Variants in KPTN observed in about 807,000 individuals in gnomAD.
KPTN encodes the protein kaptin, actin binding protein.
A neutral mutation model predicts 52.6 loss-of-function variants in KPTN; 36 were observed. The observed-to-expected ratio is 0.68, with a 90% CI of 0.52 to 0.90. The LOEUF (loss-of-function observed/expected upper bound fraction) is 0.90, where lower values mean the gene tolerates loss of function less well. KPTN is among the 40% of genes least tolerant of loss of function. KPTN has a pLI of 0.00. For missense variants in KPTN, 529 were observed against 576.2 expected (o/e 0.92, Z 0.84); for synonymous variants, 271 against 248.4 (o/e 1.09, Z -0.85).
chr19:47,483,820 T>TA (rs1555755125), intron 1 of KPTN, 115 bp downstream of exon 1: 2 of 1,443,092 alleles, frequency 1.4e-6, no homozygotes, highest in Non-Finnish European at 1.9e-6. Context: ...GTGACCCCCT[T>TA]AAAACCACCT....
intron 4 of KPTN, 34 bp downstream of exon 4, chr19:47,483,127 G>A (rs1180233420): frequency 1.2e-6 from 2 of 1,603,612 alleles, no homozygotes; most frequent in Non-Finnish European, 1.7e-6. Context: ...TACATTTACA[G>A]TGGAGTGGGC....
Position 47,484,055 on chromosome 19 carries a change from C to G in KPTN, c.106G>C (p.Gly36Arg), listed in dbSNP as rs1394459041. 1 of 1,610,878 alleles carries G rather than the reference C, an allele frequency of 6.2e-7. No individual in the cohort carries two copies. The highest frequency in any genetic ancestry group is 8.5e-7 in the Non-Finnish European group (1 of 1,179,740). The stretch of plus-strand genomic sequence containing the variant: ...GCGGCCAGCAGCTCCCCGCGCCCGC[C>G]GGCGCCGCCTGCCAGCCCGTACACA... ...SNVYGLAGGA[G>R]GRGELLAATL... The change falls in exon 1 of 12, where the codon GGC (glycine) becomes CGC (arginine). Residue 36 changes from glycine to arginine, a missense_variant. By Grantham distance (125) the Gly-to-Arg change is moderately radical. Transcript: ENST00000338134.
At chr19:47,484,579 G>C (rs1186460869), upstream of KPTN, 1 of 188,202 alleles carries the variant, frequency 5.3e-6, no homozygotes, top group Non-Finnish European at 1.1e-5. Flanking sequence ...GTGGAGGTAG[G>C]TACTTAAATC....
At chr19:47,484,305 A>C, upstream of KPTN, 12 of 1,064,794 alleles carry the variant, frequency 1.1e-5, no homozygotes, top group African/African-American at 1.6e-5. Context: ...GCCCTCTCCC[A>C]AGATGGCGGC....
In KPTN at chr19:47,476,612, C is replaced by A. The variant is rs989247581; in HGVS notation, c.1102G>T (p.Ala368Ser). The A allele has an allele frequency of 6.2e-7, 1 of 1,612,520 alleles. No individual in the cohort carries two copies. Among genetic ancestry groups the A allele is most frequent in the African/African-American group, 1.3e-5 (1 of 74,532 alleles). ...CCGGTCAGGTCCACGTGAGCCATGG[C>A]CAGCAGGGGACTGGAGAAGCTCCGC... ...WQRSFSSPLLAMAHVDLTGDG... is the reference protein window; with the variant it reads ...WQRSFSSPLLSMAHVDLTGDG... The change falls in exon 11 of 12, where the codon GCC (alanine) becomes TCC (serine). Residue 368 changes from alanine to serine, a missense_variant. Transcript: ENST00000338134.
At chr19:47,482,358 G>A (rs947155078) in intron 4 of KPTN, among the ~76,000 whole-genome samples, 4 of 152,006 alleles carry the variant, frequency 2.6e-5, no homozygotes, top group Admixed American at 1.3e-4. Context: ...GCATGGTGGT[G>A]TGAGCCTGTA....
intron 7 of KPTN, 63 bp downstream of exon 7, chr19:47,480,235 C>T (rs916900990): frequency 9.7e-7 from 1 of 1,026,052 alleles, no homozygotes; most frequent in East Asian, 2.8e-5. Flanking sequence ...CCCTCAGCCC[C>T]ACCCTGGCCC....
At chr19:47,481,306 C>T (rs936073893) in intron 4 of KPTN, among the ~76,000 whole-genome samples, 5 of 152,164 alleles carry the variant, frequency 3.3e-5, no homozygotes, top group Admixed American at 2.0e-4. Flanking sequence ...TAGAACCTCC[C>T]GCTCTTAGAG....
In KPTN at chr19:47,476,526, G is replaced by C. The variant is rs201464773; in HGVS notation, c.1182+6C>G. ...ACTCCCCTCCCACCCCAAGAGCTGG[G>C]GATACCTGCAGGATGTGCACGCCCT... On this transcript the variant is annotated splice_donor_region_variant and intron_variant, in intron 11 of 11. Transcript: ENST00000338134. 2.7e-5 allele frequency: 43 copies of C among 1,591,050 alleles called. No individual in the cohort carries two copies. The highest frequency in any genetic ancestry group is 3.6e-5 in the Non-Finnish European group (42 of 1,165,992).
intron 11 of KPTN, 22 bp downstream of exon 11, chr19:47,476,510 C>A: frequency 6.3e-7 from 1 of 1,577,718 alleles, no homozygotes. Context: ...GACTCCCCTC[C>A]CACCCCAAGA....
chr19:47,477,808 C>G (rs1283194649), intron 8 of KPTN, 27 bp from the exon 9 acceptor site: 1 of 1,585,194 alleles, frequency 6.3e-7, no homozygotes, highest in East Asian at 2.2e-5. Flanking sequence ...AATGGTAATC[C>G]CAGCACTTTG....
rs762997236 is a variant in KPTN, at chr19:47,480,745, C to T, written c.599+15G>A. 1.9e-6 allele frequency: 3 copies of T among 1,612,964 alleles called. No individual in the cohort carries two copies. Among genetic ancestry groups the T allele is most frequent in the East Asian group, 2.2e-5 (1 of 44,882 alleles). On this transcript the variant is annotated intron_variant, in intron 6 of 11. Coordinates refer to ENST00000338134, the MANE Select transcript of KPTN (RefSeq NM_007059.4). ...TGCCCCGGTCCCCAGTGGCCTCTTT[C>T]GGGGCCTCTCCTACCTACTGGTCAG... is the stretch of plus-strand genomic sequence containing the variant.
chr19:47,484,108 C>T lies in KPTN; in HGVS notation c.53G>A (p.Ser18Asn), dbSNP rs1967992120. The T allele has an allele frequency of 6.2e-7, 1 of 1,604,328 alleles. No individual in the cohort carries two copies. The highest frequency in any genetic ancestry group is 8.5e-7 in the Non-Finnish European group (1 of 1,179,664). Residue 18 changes from serine (S) to asparagine (N), a missense_variant, in exon 1 of 12, where the codon AGC becomes AAC. Ser to Asn is a conservative substitution (Grantham distance 46, BLOSUM62 1). Coordinates refer to ENST00000338134, the MANE Select transcript of KPTN (RefSeq NM_007059.4). ...AAGPCPLRED[S>N]FTRFSSQSNV... is the part of the protein sequence containing the mutation. ...GCTCTGCGACGAGAAGCGCGTGAAG[C>T]TGTCCTCGCGCAACGGACAAGGCCC...
chr19:47,480,671 C>G (rs1354855192), intron 6 of KPTN, 89 bp downstream of exon 6: 5 of 1,227,978 alleles, frequency 4.1e-6, no homozygotes, highest in African/African-American at 3.0e-5. Context: ...AGCTCCTCCC[C>G]GGTGACCAAT....
intron 8 of KPTN, among the ~76,000 whole-genome samples, chr19:47,478,702 C>A (rs576796165): frequency 6.6e-6 from 1 of 151,696 alleles, no homozygotes; most frequent in African/African-American, 2.4e-5. Flanking sequence ...ATATATACAC[C>A]ATGGAGTACT....
In KPTN at chr19:47,479,806, G is replaced by C; in HGVS notation, c.787+57C>G. The C allele has an allele frequency of 2.8e-6, 4 of 1,418,534 alleles. No individual in the cohort carries two copies. The South Asian group carries it at 4.7e-5, about 17-fold the overall frequency. The allele number at this position is 1,418,534 out of a possible 1,614,324, so 87.9% of individuals were successfully genotyped here. A position where few individuals can be genotyped will look rare whatever the true frequency, so the allele number is the denominator to read the frequency against. On this transcript the variant is annotated intron_variant, in intron 8 of 11. Coordinates refer to ENST00000338134, the MANE Select transcript of KPTN (RefSeq NM_007059.4). ...CTGGGTAGAAGGACCCAAGAATGCA[G>C]AGTTGCCTCTTCCCTCCCACCCGCT...
chr19:47,478,567 TAAAAAAAAAAA>T (rs757744803), intron 8 of KPTN, among the ~76,000 whole-genome samples: 1 of 66,234 alleles, frequency 1.5e-5, no homozygotes, highest in African/African-American at 4.9e-5. Flanking sequence ...AGACTCTGTC[TAAAAAAAAAAA>T]AAAAAAAAAA....
chr19:47,480,358 A>C lies in KPTN; in HGVS notation c.649T>G (p.Ser217Ala). The C allele has an allele frequency of 6.5e-7, 1 of 1,549,384 alleles. No individual in the cohort carries two copies. Among genetic ancestry groups the C allele is most frequent in the Non-Finnish European group, 8.7e-7 (1 of 1,146,352 alleles). ...TAACCACTCTGACAGCCCAGAGCTG[A>C]GAGGCGCCGGGACGTGCCGGGGAAG... The part of the protein sequence containing the change: ...HNFPGTSRRL[S>A]ALGCQSGYVR... Residue 217 changes from serine to alanine, a missense_variant, in exon 7 of 12, where the codon TCA becomes GCA. Ser to Ala is a moderately conservative substitution (Grantham distance 99). Transcript: ENST00000338134.
At chr19:47,484,366 C>G, upstream of KPTN, 3 of 606,820 alleles carry the variant, frequency 4.9e-6, no homozygotes, top group South Asian at 2.0e-5. Context: ...TGCGCCCGCG[C>G]TCTCTTCTCC....
Sources: gnomAD v4.1 joint callset for allele counts (sites outside exome capture counted in the v4.1 genomes callset) on GRCh38, gnomAD v4.1.1 for gene constraint, MANE v1.5 for transcripts, NCBI Gene and HGNC (gene_info 2026-07-23, HGNC 2026-07-21) for gene names.